The following TAS2R1 variants were observed in gnomAD, a reference collection of about 807,000 sequenced individuals.
TAS2R1 encodes the protein taste receptor type 2 member 1.
For synonymous variants in TAS2R1, 141 were observed against 134.2 expected (o/e 1.05, Z -0.35); for missense variants, 370 against 353.4 (o/e 1.05, Z -0.38).
chr5:9,790,049 T>C, the TAS2R1 span, among the ~76,000 whole-genome samples: 1 of 152,186 alleles, frequency 6.6e-6, no homozygotes, highest in Non-Finnish European at 1.5e-5. Context: ...AGAAATCACA[T>C]GGTCAGGCAC....
At chr5:9,796,635 C>A in the TAS2R1 span, among the ~76,000 whole-genome samples, 1 of 125,424 alleles carries the variant, frequency 8.0e-6, no homozygotes, top group Non-Finnish European at 1.6e-5. Context: ...GCCAAAACAA[C>A]AAAAGAGTGG....
chr5:9,644,771 C>A (rs181665233), intron 2 of TAS2R1, among the ~76,000 whole-genome samples: 1 of 152,088 alleles, frequency 6.6e-6, no homozygotes, highest in Non-Finnish European at 1.5e-5. Flanking sequence ...CGTGTCACTT[C>A]GATTGTCCTG....
chr5:9,638,695 A>T (rs1456207331), intron 2 of TAS2R1, among the ~76,000 whole-genome samples: 1 of 151,876 alleles, frequency 6.6e-6, no homozygotes, highest in East Asian at 1.9e-4. Flanking sequence ...AAGAATTTCT[A>T]TGTCTTGAGT....
intron 1 of TAS2R1, among the ~76,000 whole-genome samples, chr5:9,680,203 C>T (rs1174759388): frequency 1.3e-5 from 2 of 152,110 alleles, no homozygotes; most frequent in African/African-American, 4.8e-5. Context: ...TGGACTATAA[C>T]CCAAAGCATA....
At chr5:9,726,478 A>T in the TAS2R1 span, among the ~76,000 whole-genome samples, 1 of 152,096 alleles carries the variant, frequency 6.6e-6, no homozygotes, top group Non-Finnish European at 1.5e-5. Flanking sequence ...GTGGAAGCTT[A>T]GTTCTTTCAC....
the TAS2R1 span, among the ~76,000 whole-genome samples, chr5:9,829,123 G>A: frequency 6.6e-6 from 1 of 152,204 alleles, no homozygotes; most frequent in Non-Finnish European, 1.5e-5. Context: ...TGTGTTGGAA[G>A]GGAAGCCACT....
the TAS2R1 span, among the ~76,000 whole-genome samples, chr5:9,850,322 A>G: frequency 6.6e-6 from 1 of 152,220 alleles, no homozygotes; most frequent in African/African-American, 2.4e-5. Context: ...ATCCATCTAC[A>G]TTATCCCAAA....
At chr5:9,898,546 G>A in the TAS2R1 span, among the ~76,000 whole-genome samples, 1 of 152,196 alleles carries the variant, frequency 6.6e-6, no homozygotes, top group African/African-American at 2.4e-5. Context: ...CATGAAAGCA[G>A]GTTACAGACA....
intron 2 of TAS2R1, among the ~76,000 whole-genome samples, chr5:9,635,394 G>T (rs1241551208): frequency 6.6e-6 from 1 of 152,028 alleles, no homozygotes; most frequent in Non-Finnish European, 1.5e-5. Context: ...CAGGGATATT[G>T]GTCTGTAGTT....
At chr5:9,816,400 T>C in the TAS2R1 span, among the ~76,000 whole-genome samples, 1 of 152,196 alleles carries the variant, frequency 6.6e-6, no homozygotes, top group African/African-American at 2.4e-5. Context: ...AAGCATTCTA[T>C]TGTTAAAATA....
upstream of TAS2R1, among the ~76,000 whole-genome samples, chr5:9,631,876 A>C (rs895171100): frequency 1.3e-5 from 2 of 152,120 alleles, no homozygotes; most frequent in Admixed American, 6.5e-5. Context: ...ACACAACTAC[A>C]GTGAGATGAA....
chr5:9,768,094 A>G, the TAS2R1 span, among the ~76,000 whole-genome samples: 62 of 151,834 alleles, frequency 4.1e-4, no homozygotes, highest in Admixed American at 3.7e-3. Context: ...CTCCTTGTCC[A>G]TTACCCATCC....
chr5:9,797,315 A>G, the TAS2R1 span, among the ~76,000 whole-genome samples: 1 of 152,152 alleles, frequency 6.6e-6, no homozygotes, highest in African/African-American at 2.4e-5. Flanking sequence ...ATAGCCCCCC[A>G]ACAACATAGA....
the TAS2R1 span, among the ~76,000 whole-genome samples, chr5:9,839,014 T>C: frequency 6.6e-6 from 1 of 152,176 alleles, no homozygotes; most frequent in African/African-American, 2.4e-5. Flanking sequence ...TGGAAAAACA[T>C]CACGTTTTAA....
the TAS2R1 span, among the ~76,000 whole-genome samples, chr5:9,810,528 A>T: frequency 6.6e-6 from 1 of 152,170 alleles, no homozygotes; most frequent in South Asian, 2.1e-4. Flanking sequence ...TCTGAGTTTA[A>T]TGGGCCATGA....
the TAS2R1 span, among the ~76,000 whole-genome samples, chr5:9,750,832 G>A: frequency 9.2e-5 from 14 of 152,208 alleles, no homozygotes; most frequent in Non-Finnish European, 4.4e-5. Flanking sequence ...AGAATAAGCA[G>A]GGCAGTCACA....
At chr5:9,645,370 C>T (rs1225810451) in intron 2 of TAS2R1, among the ~76,000 whole-genome samples, 4 of 152,162 alleles carry the variant, frequency 2.6e-5, no homozygotes, top group Admixed American at 6.6e-5. Context: ...AAATGCTATG[C>T]GTGCATTTAG....
the TAS2R1 span, among the ~76,000 whole-genome samples, chr5:9,827,946 A>G: frequency 1.3e-5 from 2 of 152,132 alleles, no homozygotes; most frequent in Non-Finnish European, 2.9e-5. Context: ...TTTCAGCAAT[A>G]CCTTCTACGA....
At chr5:9,826,900 C>T in the TAS2R1 span, among the ~76,000 whole-genome samples, 2 of 152,118 alleles carry the variant, frequency 1.3e-5, no homozygotes, top group South Asian at 2.1e-4. Flanking sequence ...CAATGCTGCT[C>T]CTTCTCACCA....
Sources: gnomAD v4.1 joint callset for allele counts (sites outside exome capture counted in the v4.1 genomes callset) on GRCh38, gnomAD v4.1.1 for gene constraint, MANE v1.5 for transcripts, NCBI Gene and HGNC (gene_info 2026-07-23, HGNC 2026-07-21) for gene names.